Variants in GRK2 observed in about 807,000 individuals in gnomAD.
The protein encoded by GRK2 is adrenergic beta receptor kinase 1.
Under a neutral mutation model 97.8 loss-of-function variants are expected in GRK2, and 23 were observed. The observed-to-expected ratio is 0.24, with a 90% CI of 0.17 to 0.33. The LOEUF is 0.33. Ranked by LOEUF, GRK2 falls within the 10% of genes least tolerant of loss-of-function variation. The pLI, the probability that GRK2 is intolerant of heterozygous loss-of-function variation, is 1.00. For missense variants in GRK2, 633 were observed against 956.9 expected, an observed-to-expected ratio of 0.66 and a Z score of 4.47; for synonymous variants, 425 against 381.7, an observed-to-expected ratio of 1.11 and a Z score of -1.32.
At chr11:67,267,045 G>C (rs972943948) in intron 1 of GRK2, among the ~76,000 whole-genome samples, 3 of 152,026 alleles carry the variant, frequency 2.0e-5, no homozygotes, top group Admixed American at 6.5e-5. Flanking sequence ...GAGCTCCTCT[G>C]CCCCATCGGT....
At chr11:67,277,543 G>A (rs1473383712) in intron 2 of GRK2, among the ~76,000 whole-genome samples, 195 bp downstream of exon 2, 1 of 152,252 alleles carries the variant, frequency 6.6e-6, no homozygotes, top group Non-Finnish European at 1.5e-5. Flanking sequence ...TCGGCCCAGG[G>A]AGCCCCGTGG....
At position 67,281,236 on chromosome 11, in the gene GRK2, G is replaced by C. The variant is rs998600736; in HGVS notation, c.647+52G>C. On this transcript the variant is annotated intron_variant, in intron 8 of 20. Transcript: ENST00000308595. This position sits in a 1 kb window ranked among gnomAD's most constrained non-coding sequence, Gnocchi z 5.7. Reference sequence around the variant, plus strand: ...ATACCTCGGGGAGCCGGGCTCCTGGGGGACCCTGACAGGCCGGGTTCCACA... The same window carrying C: ...ATACCTCGGGGAGCCGGGCTCCTGGCGGACCCTGACAGGCCGGGTTCCACA... 1 of 1,536,986 alleles carries C rather than the reference G, an allele frequency of 6.5e-7. No homozygotes were observed. The highest frequency in any genetic ancestry group is 1.7e-5 in the Admixed American group (1 of 57,494).
rs576089239 is a variant in GRK2 at position 67,281,688 on chromosome 11, C to T, written c.786C>T (p.His262=). 1 of 1,612,882 alleles carries T rather than the reference C, an allele frequency of 6.2e-7. No individual in the cohort carries two copies. The highest frequency in any genetic ancestry group is 1.1e-5 in the South Asian group (1 of 91,034). ...PFIVCMSYAF[H]TPDKLSFILD... ...TTGTCTGCATGTCATACGCGTTCCA[C>T]ACGCCAGACAAGCTCAGCTTCATCC... Residue 262 remains histidine, a synonymous_variant, in exon 10 of 21, where the codon CAC becomes CAT. Transcript: ENST00000308595. The surrounding 1 kb of genome is among the most constrained non-coding windows in gnomAD (Gnocchi z 5.7).
At chr11:67,266,956 C>T (rs1475549902) in intron 1 of GRK2, 144 bp downstream of exon 1, 4 of 312,798 alleles carry the variant, frequency 1.3e-5, no homozygotes, top group Non-Finnish European at 1.7e-5. Flanking sequence ...CAGCCCGGAG[C>T]AGCCCGGCCT....
chr11:67,277,854 G>A (rs572703034), intron 2 of GRK2, among the ~76,000 whole-genome samples: 12 of 152,342 alleles, frequency 7.9e-5, no homozygotes, highest in African/African-American at 2.2e-4. Flanking sequence ...GACCTGGCCC[G>A]GAGGGCAGGC....
In GRK2 at chr11:67,282,041, G is replaced by T. The variant is rs1860164036; in HGVS notation, c.957+89G>T. 3 of 1,557,200 alleles carry T rather than the reference G, an allele frequency of 1.9e-6. No individual in the cohort carries two copies. The East Asian group carries it at 6.8e-5, about 35-fold the overall frequency. ...CCGGCCACCAGGCCCAGAGGAGTGG[G>T]GCTCCTGGGACATGGCCGCCCCGTA... On this transcript the variant is annotated intron_variant, in intron 11 of 20. Coordinates refer to ENST00000308595, the MANE Select transcript of GRK2 (RefSeq NM_001619.5). This position sits in a 1 kb window ranked among gnomAD's most constrained non-coding sequence, Gnocchi z 6.9.
Position 67,280,720 on chromosome 11 carries a change from C to G in GRK2, c.504-12C>G, listed in dbSNP as rs760279017. The G allele has an allele frequency of 6.2e-7, 1 of 1,614,040 alleles. No individual in the cohort carries two copies. The highest frequency in any genetic ancestry group is 8.5e-7 in the Non-Finnish European group (1 of 1,179,966). ...TCTGAGTGGCCCCTGAGCCCTGATT[C>G]TTCTTTTCCAGCGATAAGTTCACAC... On this transcript the variant is annotated splice_polypyrimidine_tract_variant and intron_variant, in intron 6 of 20. Transcript: ENST00000308595.
In GRK2 at chr11:67,284,252, C is replaced by G. The variant is rs1463479345; in HGVS notation, c.1533C>G (p.Leu511=). The part of the protein sequence containing the change: ...SDQELYRNFP[L]TISERWQQEV... ...AGGAGCTCTACCGCAACTTCCCCCTCACCATCTCGGAGCGGTGGCAGCAGG... is the reference window on the plus strand; with the variant it reads ...AGGAGCTCTACCGCAACTTCCCCCTGACCATCTCGGAGCGGTGGCAGCAGG... Residue 511 remains leucine, a synonymous_variant, in exon 18 of 21, where the codon CTC becomes CTG. Coordinates refer to ENST00000308595, the MANE Select transcript of GRK2 (RefSeq NM_001619.5). 6.2e-7 allele frequency: 1 copy of G among 1,613,650 alleles called. No individual in the cohort carries two copies. Among genetic ancestry groups the G allele is most frequent in the Non-Finnish European group, 8.5e-7 (1 of 1,180,002 alleles).
At position 67,281,607 on chromosome 11, in the gene GRK2, C is replaced by T; in HGVS notation, c.748-43C>T. 1 of 1,608,572 alleles carries T rather than the reference C, an allele frequency of 6.2e-7. No individual in the cohort carries two copies. The highest frequency in any genetic ancestry group is 8.5e-7 in the Non-Finnish European group (1 of 1,175,820). ...CGCTGAGGCTCTGGAACCCCGGGCG[C>T]CCCTGCTAACTGCCCGCCCCCTCCC... On this transcript the variant is annotated intron_variant, in intron 9 of 20. Coordinates refer to ENST00000308595, the MANE Select transcript of GRK2 (RefSeq NM_001619.5). The surrounding 1 kb of genome is among the most constrained non-coding windows in gnomAD (Gnocchi z 5.7).
rs1433129322 is a variant in GRK2, at chr11:67,269,632, C to G, written c.113+2820C>G. On this transcript the variant is annotated intron_variant, in intron 1 of 20. Coordinates refer to ENST00000308595, the MANE Select transcript of GRK2 (RefSeq NM_001619.5). This position sits in a 1 kb window ranked among gnomAD's most constrained non-coding sequence, Gnocchi z 4.1. ...AAAGCTACTGCACCGAGGGGCAGCC[C>G]CACTCCAGGGTCCCGTCAGATGCAG... Among the ~76,000 whole-genome samples, 1 of 152,182 alleles carries G rather than the reference C, an allele frequency of 6.6e-6. No homozygotes were observed. Among genetic ancestry groups the G allele is most frequent in the Non-Finnish European group, 1.5e-5 (1 of 68,034 alleles).
Position 67,281,573 on chromosome 11 carries a change from C to G in GRK2, c.747+15C>G, listed in dbSNP as rs1283143479. On this transcript the variant is annotated intron_variant, in intron 9 of 20. Coordinates refer to ENST00000308595, the MANE Select transcript of GRK2 (RefSeq NM_001619.5). This position sits in a 1 kb window ranked among gnomAD's most constrained non-coding sequence, Gnocchi z 5.7. Reference sequence around the variant, plus strand: ...TCAGCACTGGGGTGAGCTGGGTGGGCCGGGCTGCCGCTGAGGCTCTGGAAC... The same window carrying G: ...TCAGCACTGGGGTGAGCTGGGTGGGGCGGGCTGCCGCTGAGGCTCTGGAAC... 3.1e-6 allele frequency: 5 copies of G among 1,612,614 alleles called. No homozygotes were observed. Among genetic ancestry groups the G allele is most frequent in the Non-Finnish European group, 8.5e-7 (1 of 1,179,392 alleles).
intron 1 of GRK2, among the ~76,000 whole-genome samples, chr11:67,267,958 A>G (rs922198384): frequency 2.0e-5 from 3 of 152,238 alleles, no homozygotes; most frequent in Admixed American, 1.3e-4. Context: ...GGCCTGTGCC[A>G]GGGAGCAGAC....
At chr11:67,271,115 C>G (rs891181213) in intron 1 of GRK2, 1 of 152,304 alleles carries the variant, frequency 6.6e-6, no homozygotes, top group Non-Finnish European at 1.5e-5. Context: ...CAGTGGGAAC[C>G]AAAAGCACAG....
intron 1 of GRK2, among the ~76,000 whole-genome samples, chr11:67,275,560 G>A (rs915568761): frequency 7.1e-6 from 1 of 140,714 alleles, no homozygotes; most frequent in African/African-American, 2.6e-5. Flanking sequence ...GCCACCCACC[G>A]CCCTGGACCA....
chr11:67,285,357 G>A lies in GRK2; in HGVS notation c.1977G>A (p.Gln659=), dbSNP rs759239440. The change falls in exon 21 of 21, where the codon CAG becomes CAA. Residue 659 remains glutamine, a synonymous_variant. Coordinates refer to ENST00000308595, the MANE Select transcript of GRK2 (RefSeq NM_001619.5). ...DAYREAQQLV[Q]RVPKMKNKPR... ...ACCGCGAGGCCCAGCAGCTGGTGCA[G>A]CGGGTGCCCAAGATGAAGAACAAGC... 5.2e-5 allele frequency: 83 copies of A among 1,610,120 alleles called. 1 individual carries two copies. In the Admixed American group the frequency reaches 1.4e-3, roughly 27 times the overall value.
At chr11:67,279,158 TGA>T (rs1327298601) in intron 2 of GRK2, 40 bp from the exon 3 acceptor site, 32 of 1,556,334 alleles carry the variant, frequency 2.1e-5, no homozygotes, top group Non-Finnish European at 2.8e-5. Context: ...GGAAGGCCTC[TGA>T]GAGAGGCGTG....
At chr11:67,279,394 A>G in intron 3 of GRK2, 24 bp from the exon 4 acceptor site, 1 of 1,611,650 alleles carries the variant, frequency 6.2e-7, no homozygotes. Context: ...GCTCTAGATG[A>G]CCTGCAGGAA....
In GRK2 at chr11:67,279,613, C is replaced by G. The variant is rs767707669; in HGVS notation, c.367-13C>G. The G allele has an allele frequency of 4.3e-6, 7 of 1,613,352 alleles. No homozygotes were observed. The Admixed American group carries it at 1.2e-4, about 27-fold the overall frequency. ...CCCTGCTGAGAATTCATGGCCACCT[C>G]TGTCTTCCCCAGCCCTTCTCGAAGA... On this transcript the variant is annotated splice_polypyrimidine_tract_variant and intron_variant, in intron 4 of 20. Transcript: ENST00000308595.
Position 67,276,407 on chromosome 11 carries a change from C to T in GRK2, c.114-865C>T, listed in dbSNP as rs138737126. 2.0e-5 allele frequency: 3 copies of T among 152,174 alleles called. No individual in the cohort carries two copies. Among genetic ancestry groups the T allele is most frequent in the Non-Finnish European group, 4.4e-5 (3 of 68,066 alleles). The allele number at this position is 152,174 out of a possible 1,614,324, so 9.4% of individuals were successfully genotyped here. ...CCTGGTGTGGCGCTCCCAGACAGCA[C>T]TCAGTGTGGGGTGAGATAAACAGGG... is the stretch of plus-strand genomic sequence containing the variant. On this transcript the variant is annotated intron_variant, in intron 1 of 20. Coordinates refer to ENST00000308595, the MANE Select transcript of GRK2 (RefSeq NM_001619.5). The surrounding 1 kb of genome is among the most constrained non-coding windows in gnomAD (Gnocchi z 4.2).
Sources: gnomAD v4.1 joint callset for allele counts (sites outside exome capture counted in the v4.1 genomes callset) on GRCh38, gnomAD v4.1.1 for gene constraint, Gnocchi (gnomAD v3.1) non-coding constraint, MANE v1.5 for transcripts, NCBI Gene and HGNC (gene_info 2026-07-23, HGNC 2026-07-21) for gene names.